Variants in TMBIM1 observed in about 807,000 individuals in gnomAD.
TMBIM1 encodes the protein protein lifeguard 3.
A neutral mutation model predicts 45.1 loss-of-function variants in TMBIM1; 34 were observed. The observed-to-expected ratio is 0.75, with a 90% confidence interval of 0.57 to 1.00. TMBIM1 has a LOEUF of 1.00. TMBIM1 is among the 50% of genes least tolerant of loss of function. The pLI is 0.00. For missense variants in TMBIM1, 374 were observed against 402.4 expected (o/e 0.93, Z 0.60); for synonymous variants, 157 against 153.5 (o/e 1.02, Z -0.17).
chr2:218,283,785 A>C (rs2106219628), intron 1 of TMBIM1, among the ~76,000 whole-genome samples: 1 of 152,324 alleles, frequency 6.6e-6, no homozygotes, highest in Admixed American at 6.5e-5. Flanking sequence ...ATAAAAGTCC[A>C]GGTCTCTAAG....
chr2:218,275,218 G>A lies in TMBIM1; in HGVS notation c.*257C>T, dbSNP rs1173795948. ...AGAATGTGGTGTCATACAGTAGGTG[G>A]CGGGGAGAAGACACATCTTCAGCCT... On this transcript the variant is annotated 3_prime_UTR_variant, in exon 12 of 12. Coordinates refer to ENST00000258412, the MANE Select transcript of TMBIM1 (RefSeq NM_022152.6). 2.7e-6 allele frequency: 1 copy of A among 372,742 alleles called. No individual in the cohort carries two copies. 23.1% of individuals were successfully genotyped at this position (372,742 alleles called of 1,614,324 possible).
intron 1 of TMBIM1, among the ~76,000 whole-genome samples, chr2:218,288,345 C>T (rs944592521): frequency 1.3e-5 from 2 of 152,208 alleles, no homozygotes; most frequent in African/African-American, 4.8e-5. Flanking sequence ...AGAAGAATGG[C>T]ATGAACCCGG....
intron 1 of TMBIM1, among the ~76,000 whole-genome samples, chr2:218,290,626 C>T (rs924725380): frequency 2.6e-5 from 4 of 152,318 alleles, no homozygotes; most frequent in African/African-American, 7.2e-5. Context: ...AACCAGGAAA[C>T]GGGCACCCCT....
rs141925429 is a variant in TMBIM1 at position 218,282,143 on chromosome 2, G to A, written c.-2C>T. The A allele has an allele frequency of 4.0e-6, 6 of 1,496,572 alleles. No individual in the cohort carries two copies. The East Asian group carries it at 7.6e-5, about 19-fold the overall frequency. The allele number at this position is 1,496,572 out of a possible 1,614,324, so 92.7% of individuals were successfully genotyped here. ...TGGTGGGGCGCTGGGGTTGGACATG[G>A]CTGCTCACGGGCTGAGGGGGAACCC... On this transcript the variant is annotated 5_prime_UTR_variant, in exon 2 of 12. Transcript: ENST00000258412.
Position 218,276,079 on chromosome 2 carries a change from C to T in TMBIM1, c.736G>A (p.Val246Ile). Residue 246 changes from valine to isoleucine, a missense_variant and splice_region_variant, in exon 11 of 12, where the codon GTT becomes ATT. By Grantham distance (29) the Val-to-Ile change is conservative. Coordinates refer to ENST00000258412, the MANE Select transcript of TMBIM1 (RefSeq NM_022152.6). The part of the protein sequence containing the change: ...VTSIVLYFQY[V>I]YWLHMLYAAL... The stretch of plus-strand genomic sequence containing the variant: ...GCATAGAGCATGTGGAGCCAGTAAA[C>T]CTGGAGAAGAAGGGGACAGAGAATG... 1 of 1,612,840 alleles carries T rather than the reference C, an allele frequency of 6.2e-7. No homozygotes were observed. Among genetic ancestry groups the T allele is most frequent in the South Asian group, 1.1e-5 (1 of 90,592 alleles).
At position 218,277,431 on chromosome 2, in the gene TMBIM1, T is replaced by C. The variant is rs1390853294; in HGVS notation, c.574A>G (p.Ile192Val). 3 of 1,614,070 alleles carry C rather than the reference T, an allele frequency of 1.9e-6. No individual in the cohort carries two copies. The highest frequency in any genetic ancestry group is 1.1e-5 in the South Asian group (1 of 91,092). The stretch of plus-strand genomic sequence containing the variant: ...ACCGCAGTGATGATCATTGCAATGA[T>C]GACGGCTTTGGTTTGGTACATACTG... Reference protein sequence around the residue: ...ISSMYQTKAVIIAMIITAVVS... With the variant: ...ISSMYQTKAVVIAMIITAVVS... Residue 192 changes from isoleucine (I) to valine (V), a missense_variant, in exon 9 of 12, where the codon ATC becomes GTC. Physicochemically the swap from Ile to Val is conservative, Grantham distance 29. Coordinates refer to ENST00000258412, the MANE Select transcript of TMBIM1 (RefSeq NM_022152.6).
chr2:218,275,420 G>T lies in TMBIM1; in HGVS notation c.*55C>A. 1 of 1,576,916 alleles carries T rather than the reference G, an allele frequency of 6.3e-7. No homozygotes were observed. The highest frequency in any genetic ancestry group is 8.6e-7 in the Non-Finnish European group (1 of 1,162,568). On this transcript the variant is annotated 3_prime_UTR_variant, in exon 12 of 12. Transcript: ENST00000258412. ...GCCCAGACCACAGTCATAGGGCCCA[G>T]CCCTCTAGCTTGGAAGGGAGAGCCC... is the stretch of plus-strand genomic sequence containing the variant.
intron 1 of TMBIM1, among the ~76,000 whole-genome samples, chr2:218,291,722 C>T (rs1480379232): frequency 1.3e-5 from 2 of 152,174 alleles, no homozygotes; most frequent in Non-Finnish European, 2.9e-5. Flanking sequence ...AGTCTCTCCA[C>T]TTGCTTTCCC....
Position 218,279,314 on chromosome 2 carries a change from C to A in TMBIM1, c.343G>T (p.Ala115Ser), listed in dbSNP as rs752137980. 1 of 1,588,950 alleles carries A rather than the reference C, an allele frequency of 6.3e-7. No homozygotes were observed. Reference sequence around the variant, plus strand: ...ACAAAGGTGAAGATAGCAATGATGGCCACAGTGATGAGCAGCTGCACGGAG... The same window carrying A: ...ACAAAGGTGAAGATAGCAATGATGGACACAGTGATGAGCAGCTGCACGGAG... ...IISVQLLITV[A>S]IIAIFTFVEP... Residue 115 changes from alanine to serine, a missense_variant, in exon 4 of 12, where the codon GCC becomes TCC. Coordinates refer to ENST00000258412, the MANE Select transcript of TMBIM1 (RefSeq NM_022152.6).
chr2:218,290,705 T>C (rs1393610131), intron 1 of TMBIM1, among the ~76,000 whole-genome samples: 1 of 152,222 alleles, frequency 6.6e-6, no homozygotes, highest in African/African-American at 2.4e-5. Flanking sequence ...CATTAATATC[T>C]CCCTTCCCAC....
In TMBIM1 at chr2:218,280,105, C is replaced by A. The variant is rs1691725855; in HGVS notation, c.224G>T (p.Gly75Val). The A allele has an allele frequency of 1.9e-6, 3 of 1,614,058 alleles. No individual in the cohort carries two copies. The highest frequency in any genetic ancestry group is 2.5e-6 in the Non-Finnish European group (3 of 1,179,886). ...GCTATCACTCACTGCTCTCTCCTCC[C>A]CATCATAGCCATGGCCTGGGCCTAG... ...MNYGPGHGYD[G>V]EERAVSDSFG... is the part of the protein sequence containing the mutation. The change falls in exon 3 of 12, where the codon GGG becomes GTG. Residue 75 changes from glycine to valine, a missense_variant. Transcript: ENST00000258412.
chr2:218,279,976 C>T lies in TMBIM1; in HGVS notation c.303+50G>A, dbSNP rs780100953. On this transcript the variant is annotated intron_variant, in intron 3 of 11. Transcript: ENST00000258412. Reference sequence around the variant, plus strand: ...ACTGTGGCCTACCCACTTCCCATTCCCACAGCCTGAGGGGCCCCAGGTACA... The same window carrying T: ...ACTGTGGCCTACCCACTTCCCATTCTCACAGCCTGAGGGGCCCCAGGTACA... 25 of 1,459,510 alleles carry T rather than the reference C, an allele frequency of 1.7e-5. No homozygotes were observed. In the South Asian group the frequency reaches 2.6e-4, roughly 15 times the overall value. 90.4% of individuals were successfully genotyped at this position (1,459,510 alleles called of 1,614,324 possible). A position where few individuals can be genotyped will look rare whatever the true frequency, so the allele number is the denominator to read the frequency against.
chr2:218,285,297 G>T (rs1692415223), intron 1 of TMBIM1, among the ~76,000 whole-genome samples: 1 of 152,198 alleles, frequency 6.6e-6, no homozygotes. Context: ...AGAGTGTGAT[G>T]AAGTCAAAAT....
intron 2 of TMBIM1, 97 bp from the exon 3 acceptor site, chr2:218,280,223 G>T: frequency 1.1e-6 from 1 of 891,388 alleles, no homozygotes; most frequent in Non-Finnish European, 1.9e-6. Flanking sequence ...GGGATCTCCA[G>T]CCAAAAGACA....
At chr2:218,289,198 A>C (rs1009605971) in intron 1 of TMBIM1, among the ~76,000 whole-genome samples, 1 of 152,040 alleles carries the variant, frequency 6.6e-6, no homozygotes, top group Non-Finnish European at 1.5e-5. Flanking sequence ...TGCTACCATT[A>C]TTTCTTTCCC....
At position 218,282,061 on chromosome 2, in the gene TMBIM1, C is replaced by A; in HGVS notation, c.81G>T (p.Gly27=). The A allele has an allele frequency of 6.3e-7, 1 of 1,598,444 alleles. No individual in the cohort carries two copies. The highest frequency in any genetic ancestry group is 8.5e-7 in the Non-Finnish European group (1 of 1,173,934). ...ACCCTCCTGGCAGGACAGATGGCTG[C>A]CCATAGCCCCCAGGGGGCGGAGGGC... The part of the protein sequence containing the change: ...YPGPPPPGGY[G]QPSVLPGGYP... The change falls in exon 2 of 12, where the codon GGG becomes GGT. Residue 27 remains glycine, a synonymous_variant. Transcript: ENST00000258412.
intron 1 of TMBIM1, among the ~76,000 whole-genome samples, chr2:218,283,307 G>A (rs373044454): frequency 6.6e-6 from 1 of 152,232 alleles, no homozygotes; most frequent in Non-Finnish European, 1.5e-5. Flanking sequence ...GAACTCGCAG[G>A]TCAGTGGCAT....
intron 2 of TMBIM1, 75 bp from the exon 3 acceptor site, chr2:218,280,201 C>T: frequency 1.8e-6 from 2 of 1,085,322 alleles, no homozygotes; most frequent in Non-Finnish European, 2.8e-6. Flanking sequence ...CCCTGACAAT[C>T]TCAAAGTCTC....
At chr2:218,278,816 C>G (rs1487200955) in intron 5 of TMBIM1, among the ~76,000 whole-genome samples, 1 of 152,210 alleles carries the variant, frequency 6.6e-6, no homozygotes, top group East Asian at 1.9e-4. Context: ...TGCAGCGCAG[C>G]GTGCACGCCA....
Sources: gnomAD v4.1 joint callset for allele counts (sites outside exome capture counted in the v4.1 genomes callset) on GRCh38, gnomAD v4.1.1 for gene constraint, MANE v1.5 for transcripts, NCBI Gene and HGNC (gene_info 2026-07-23, HGNC 2026-07-21) for gene names.